The following KHDRBS2 variants were observed in gnomAD, a reference collection of about 807,000 sequenced individuals.
KHDRBS2 encodes the protein KH RNA binding domain containing, signal transduction associated 2.
In KHDRBS2, 26 loss-of-function variants were observed where a neutral mutation model predicts 44.3. The ratio of observed to expected loss-of-function variants is 0.59; its 90% CI spans 0.43 to 0.81. KHDRBS2 has a LOEUF of 0.81. Among genes scored for constraint, KHDRBS2 ranks in the 40% least tolerant of loss-of-function variants. The pLI is 0.00. For missense variants in KHDRBS2, 476 were observed against 433.1 expected (o/e 1.10, Z -0.88); for synonymous variants, 194 against 151.1 (o/e 1.28, Z -2.08).
At chr6:62,014,610 A>G (rs1036894793) in intron 3 of KHDRBS2, among the ~76,000 whole-genome samples, 5 of 152,168 alleles carry the variant, frequency 3.3e-5, no homozygotes, top group African/African-American at 1.2e-4. Context: ...GTAATGAAAG[A>G]CCTAAAATTA....
At chr6:61,915,223 A>G (rs1404055778) in intron 4 of KHDRBS2, among the ~76,000 whole-genome samples, 2 of 151,978 alleles carry the variant, frequency 1.3e-5, no homozygotes, top group Non-Finnish European at 2.9e-5. Flanking sequence ...GGGATGTCAA[A>G]CAGTTCTACA....
chr6:62,105,242 G>C (rs1802903633), intron 2 of KHDRBS2, among the ~76,000 whole-genome samples: 1 of 152,138 alleles, frequency 6.6e-6, no homozygotes, highest in Non-Finnish European at 1.5e-5. Context: ...CCAAAAAGTT[G>C]AAGTAGGGCA....
At chr6:62,060,210 C>G (rs1417344744) in intron 2 of KHDRBS2, among the ~76,000 whole-genome samples, 2 of 151,692 alleles carry the variant, frequency 1.3e-5, no homozygotes, top group Non-Finnish European at 2.9e-5. Flanking sequence ...TATTCAGGCA[C>G]TTATTGACCC....
chr6:62,060,048 A>G (rs1791371313), intron 2 of KHDRBS2, among the ~76,000 whole-genome samples: 1 of 151,834 alleles, frequency 6.6e-6, no homozygotes, highest in South Asian at 2.1e-4. Context: ...GCTTTAAGCT[A>G]AGATGTATGA....
At chr6:62,018,517 T>C (rs1562652872) in intron 3 of KHDRBS2, among the ~76,000 whole-genome samples, 3 of 151,920 alleles carry the variant, frequency 2.0e-5, no homozygotes, top group Admixed American at 1.3e-4. Context: ...CCGGCTAATT[T>C]TTGTATTTTT....
the KHDRBS2 span, among the ~76,000 whole-genome samples, chr6:61,669,071 T>C: frequency 2.6e-5 from 4 of 150,974 alleles, no homozygotes; most frequent in African/African-American, 9.7e-5. Flanking sequence ...TAGATACACA[T>C]AGCTTCCATT....
chr6:62,092,123 T>A (rs1177696335), intron 2 of KHDRBS2, among the ~76,000 whole-genome samples: 1 of 152,082 alleles, frequency 6.6e-6, no homozygotes, highest in Non-Finnish European at 1.5e-5. Flanking sequence ...CTCCAGTTTT[T>A]TTTTTTAATC....
chr6:61,835,864 T>C (rs1159878961), intron 6 of KHDRBS2, among the ~76,000 whole-genome samples: 1 of 151,940 alleles, frequency 6.6e-6, no homozygotes, highest in African/African-American at 2.4e-5. Context: ...CTAACCAGTG[T>C]TGAAAATCTG....
At chr6:61,694,586 A>AT (rs751638136) in intron 8 of KHDRBS2, among the ~76,000 whole-genome samples, 20 of 152,154 alleles carry the variant, frequency 1.3e-4, no homozygotes, top group African/African-American at 4.6e-4. Flanking sequence ...AAATATATTT[A>AT]TTTTTGTGTT....
At chr6:61,569,140 C>T in the KHDRBS2 span, among the ~76,000 whole-genome samples, 5 of 152,080 alleles carry the variant, frequency 3.3e-5, no homozygotes, top group African/African-American at 1.2e-4. Context: ...CTATCCCTCA[C>T]TTCCCTGGCA....
chr6:61,682,941 G>A (rs1429496974), intron 8 of KHDRBS2, among the ~76,000 whole-genome samples: 1 of 151,868 alleles, frequency 6.6e-6, no homozygotes, highest in African/African-American at 2.4e-5. Flanking sequence ...CCACGTTTAT[G>A]AGATAATCCA....
At chr6:61,961,535 ATGT>A in intron 4 of KHDRBS2, among the ~76,000 whole-genome samples, 1 of 152,126 alleles carries the variant, frequency 6.6e-6, no homozygotes, top group Middle Eastern at 3.4e-3. Flanking sequence ...GGGGAGCAAG[ATGT>A]TTTAAGTAGG....
intron 3 of KHDRBS2, among the ~76,000 whole-genome samples, chr6:61,988,848 A>C (rs1407729556): frequency 6.6e-6 from 1 of 152,250 alleles, no homozygotes; most frequent in African/African-American, 2.4e-5. Context: ...AAATAAAAAC[A>C]GCAACCAATA....
chr6:62,003,097 G>T (rs9294718), intron 3 of KHDRBS2, among the ~76,000 whole-genome samples: 118,090 of 151,762 alleles, frequency 0.78, 46,234 homozygotes, highest in Non-Finnish European at 0.81. Flanking sequence ...TTTCTTTGCA[G>T]GTAAACATAC....
At chr6:62,200,683 T>C (rs1273608258) in intron 1 of KHDRBS2, among the ~76,000 whole-genome samples, 1 of 152,126 alleles carries the variant, frequency 6.6e-6, no homozygotes, top group African/African-American at 2.4e-5. Context: ...GTGGTGATTC[T>C]TCAGGGATCT....
At chr6:61,720,239 C>A (rs1182257143) in intron 7 of KHDRBS2, among the ~76,000 whole-genome samples, 2 of 152,110 alleles carry the variant, frequency 1.3e-5, no homozygotes, top group Non-Finnish European at 2.9e-5. Flanking sequence ...AATAAACATA[C>A]GTGTGCATGT....
intron 6 of KHDRBS2, among the ~76,000 whole-genome samples, chr6:61,737,500 A>C (rs1182388680): frequency 6.6e-6 from 1 of 152,140 alleles, no homozygotes; most frequent in Non-Finnish European, 1.5e-5. Flanking sequence ...CAAAATGAAA[A>C]GCATAACAAC....
chr6:62,167,524 G>C (rs1818955288), intron 2 of KHDRBS2, among the ~76,000 whole-genome samples: 1 of 152,066 alleles, frequency 6.6e-6, no homozygotes, highest in East Asian at 1.9e-4. Context: ...TTCTATTGGA[G>C]AGAATATGGT....
intron 3 of KHDRBS2, among the ~76,000 whole-genome samples, chr6:61,990,922 A>G (rs1291100327): frequency 6.6e-6 from 1 of 152,024 alleles, no homozygotes; most frequent in Admixed American, 6.6e-5. Context: ...GTTGGCCAGG[A>G]TGGTCTCAAT....
Sources: allele counts gnomAD v4.1 joint callset (sites outside exome capture counted in the v4.1 genomes callset), GRCh38; gene constraint gnomAD v4.1.1; transcripts MANE v1.5; gene names NCBI Gene and HGNC (gene_info 2026-07-23, HGNC 2026-07-21).